Variants in CHAT observed in about 807,000 individuals in gnomAD.
The protein encoded by CHAT is choline O-acetyltransferase, also known as acetyl CoA:choline O-acetyltransferase.
In CHAT, 61 loss-of-function variants were observed where a neutral mutation model predicts 76.9. The ratio of observed to expected loss-of-function variants is 0.79; its 90% confidence interval spans 0.65 to 0.98. The LOEUF is 0.98. Ranked by LOEUF, CHAT falls within the 50% of genes least tolerant of loss-of-function variation. The probability of loss-of-function intolerance (pLI) is 0.00; values close to 1 mark genes in which losing one functional copy is unlikely to be tolerated. For missense variants in CHAT, 946 were observed against 986.9 expected (o/e 0.96, Z 0.56); for synonymous variants, 407 against 397.4 (o/e 1.02, Z -0.29).
upstream of CHAT, among the ~76,000 whole-genome samples, chr10:49,613,768 A>T (rs972258103): frequency 1.3e-4 from 20 of 152,158 alleles, no homozygotes; most frequent in Admixed American, 2.6e-4. Context: ...GATTGTCCCA[A>T]GTCTGTAGCA....
In CHAT at chr10:49,646,578, C is replaced by T. The variant is rs1475894058; in HGVS notation, c.1185C>T (p.Gly395=). Residue 395 remains glycine (G), a synonymous_variant, in exon 8 of 15, where the codon GGC becomes GGT. Transcript: ENST00000337653. ...TTGTATGCCTGGACGCGCCAGGAGG[C>T]GTGGAGCTCAGCGACACCCACAGGG... is the stretch of plus-strand genomic sequence containing the variant. ...ICLVCLDAPG[G]VELSDTHRAL... 5 of 1,614,200 alleles carry T rather than the reference C, an allele frequency of 3.1e-6. No individual in the cohort carries two copies. The South Asian group carries it at 3.3e-5, about 11-fold the overall frequency.
Position 49,616,509 on chromosome 10 carries a change from C to A in CHAT, c.294C>A (p.His98Gln). The A allele has an allele frequency of 6.2e-7, 1 of 1,611,752 alleles. No individual in the cohort carries two copies. The highest frequency in any genetic ancestry group is 1.1e-5 in the South Asian group (1 of 90,544). The change falls in exon 2 of 15, where the codon CAC becomes CAA. Residue 98 changes from histidine to glutamine, a missense_variant. Physicochemically the swap from His to Gln is conservative, Grantham distance 24. Coordinates refer to ENST00000337653, the MANE Select transcript of CHAT (RefSeq NM_020549.5). The stretch of plus-strand genomic sequence containing the variant: ...CCACTTCTTGGTCCCCAGGTCCACA[C>A]CTCTGCATCCCTGCACCAGGACTCA... Reference protein sequence around the residue: ...EAAEPRRAGPHLCIPAPGLTK... With the variant: ...EAAEPRRAGPQLCIPAPGLTK...
intron 14 of CHAT, 88 bp from the exon 15 acceptor site, chr10:49,664,689 C>T: frequency 5.9e-6 from 9 of 1,518,858 alleles, no homozygotes; most frequent in Non-Finnish European, 8.2e-6. Flanking sequence ...AGTCAAACCC[C>T]CAGGTGGAAA....
intron 7 of CHAT, among the ~76,000 whole-genome samples, chr10:49,640,234 T>G (rs1365507432): frequency 6.6e-6 from 1 of 152,166 alleles, no homozygotes; most frequent in East Asian, 1.9e-4. Context: ...TACAGTGGTG[T>G]GATGTCGGCT....
chr10:49,661,622 A>G (rs1262793464), intron 13 of CHAT, among the ~76,000 whole-genome samples: 1 of 152,204 alleles, frequency 6.6e-6, no homozygotes, highest in African/African-American at 2.4e-5. Context: ...GGGCTTTGAC[A>G]GCTAACTGGC....
chr10:49,633,489 G>C (rs1839193952), intron 7 of CHAT, among the ~76,000 whole-genome samples: 1 of 152,160 alleles, frequency 6.6e-6, no homozygotes. Context: ...CTGGAAGGGA[G>C]CATCTGCCTA....
Position 49,627,610 on chromosome 10 carries a change from CTT to C in CHAT, c.938_939del (p.Phe313CysfsTer7). 2 of 1,614,096 alleles carry C rather than the reference CTT, an allele frequency of 1.2e-6. No individual in the cohort carries two copies. The highest frequency in any genetic ancestry group is 1.7e-6 in the Non-Finnish European group (2 of 1,179,944). ...HVIVACCNQF[F>X]VLDVVINFRR... is the part of the protein sequence containing the mutation. ...TGTTTGACCTGTTTACCCCACAGTTCTTTGTCTTGGATGTTGTCATTAATTTC... is the reference window on the plus strand; with the variant it reads ...TGTTTGACCTGTTTACCCCACAGTTCTGTCTTGGATGTTGTCATTAATTTC... On this transcript the variant is annotated frameshift_variant, in exon 7 of 15. Coordinates refer to ENST00000337653, the MANE Select transcript of CHAT (RefSeq NM_020549.5). LOFTEE classifies it high-confidence loss of function.
upstream of CHAT, chr10:49,612,037 G>A: frequency 2.5e-6 from 4 of 1,613,746 alleles, no homozygotes; most frequent in Non-Finnish European, 3.4e-6. Flanking sequence ...GGTGGCCTAC[G>A]CGCTCGGGCC....
rs1444707075 is a variant in CHAT, at chr10:49,614,213, G to A, written c.24G>A (p.Lys8=). Residue 8 remains lysine (K), a synonymous_variant, in exon 1 of 15, where the codon AAG becomes AAA. Transcript: ENST00000337653. MGLRTAK[K]RGLGGGGKWK... ...GGATGGGGCTGAGGACAGCGAAGAA[G>A]AGGGGGCTTGGGGGAGGGGGGAAAT... 4 of 1,516,410 alleles carry A rather than the reference G, an allele frequency of 2.6e-6. No individual in the cohort carries two copies. The highest frequency in any genetic ancestry group is 3.6e-6 in the Non-Finnish European group (4 of 1,120,514). 93.9% of individuals were successfully genotyped at this position (1,516,410 alleles called of 1,614,324 possible).
At position 49,666,803 on chromosome 10, in the gene CHAT, C is replaced by T. The variant is rs1840349296; in HGVS notation, c.*1757C>T. Among the ~76,000 whole-genome samples the T allele has an allele frequency of 6.6e-6, 1 of 152,182 alleles. No homozygotes were observed. The highest frequency in any genetic ancestry group is 2.1e-4 in the South Asian group (1 of 4,828). On this transcript the variant is annotated 3_prime_UTR_variant, in exon 15 of 15. Coordinates refer to ENST00000337653, the MANE Select transcript of CHAT (RefSeq NM_020549.5). ...CTCCTTCCCTCCCACGGCCACCTTCCTACTCTGCTTAGGAAGTTGCAGCAC... is the reference window on the plus strand; with the variant it reads ...CTCCTTCCCTCCCACGGCCACCTTCTTACTCTGCTTAGGAAGTTGCAGCAC...
intron 14 of CHAT, among the ~76,000 whole-genome samples, 164 bp from the exon 15 acceptor site, chr10:49,664,613 G>A (rs960689037): frequency 4.6e-5 from 7 of 152,168 alleles, no homozygotes; most frequent in Non-Finnish European, 1.0e-4. Context: ...GCAGTTAGAT[G>A]GGTCTGTTTT....
chr10:49,617,718 C>A (rs1371803774), intron 2 of CHAT, among the ~76,000 whole-genome samples: 1 of 152,068 alleles, frequency 6.6e-6, no homozygotes, highest in Non-Finnish European at 1.5e-5. Context: ...TAGGTGCTCA[C>A]CCACCCATCA....
At chr10:49,615,032 T>C (rs1031911637) in intron 1 of CHAT, among the ~76,000 whole-genome samples, 1 of 151,958 alleles carries the variant, frequency 6.6e-6, no homozygotes, top group Non-Finnish European at 1.5e-5. Context: ...ATACATCCTC[T>C]AGGCATCTGC....
rs141794970 is a variant in CHAT at position 49,646,516 on chromosome 10, C to A, written c.1123C>A (p.Arg375=). The change falls in exon 8 of 15, where the codon CGG becomes AGG. Residue 375 remains arginine, a synonymous_variant. Coordinates refer to ENST00000337653, the MANE Select transcript of CHAT (RefSeq NM_020549.5). ...RTVLVKDSTN[R]DSLDMIERCI... is the part of the protein sequence containing the mutation. ...TGCCTCCCCTGCAGACTCCACCAAC[C>A]GGGACTCGCTGGACATGATTGAGCG... The A allele has an allele frequency of 4.2e-5, 67 of 1,614,180 alleles. No homozygotes were observed. The South Asian group carries it at 6.9e-4, about 17-fold the overall frequency.
At chr10:49,613,339 G>C (rs542737231), upstream of CHAT, 2 of 152,474 alleles carry the variant, frequency 1.3e-5, no homozygotes, top group South Asian at 4.1e-4. Context: ...TGTGGGATCT[G>C]GTGCCAACCC....
Position 49,614,146 on chromosome 10 carries a change from G to C in CHAT, c.-44G>C, listed in dbSNP as rs7903315. 0.72 allele frequency: 1,106,237 copies of C among 1,545,460 alleles called. 414,811 individuals carry two copies. Among genetic ancestry groups the C allele is most frequent in the South Asian group, 0.79 (65,960 of 83,838 alleles). ...CCGGGAAGCGCTCCGGGTAGATTCT[G>C]GGGGCCGGGAGCTGAGATCCCTGGG... On this transcript the variant is annotated 5_prime_UTR_variant, in exon 1 of 15. Transcript: ENST00000337653.
chr10:49,622,202 A>C (rs769333829), intron 5 of CHAT, 52 bp downstream of exon 5: 1 of 1,574,802 alleles, frequency 6.3e-7, no homozygotes, highest in Middle Eastern at 1.7e-4. Flanking sequence ...CTATGCGTCT[A>C]TCTCCCTTGC....
intron 9 of CHAT, among the ~76,000 whole-genome samples, 179 bp downstream of exon 9, chr10:49,648,786 C>T (rs750937008): frequency 1.3e-5 from 2 of 151,260 alleles, no homozygotes; most frequent in Admixed American, 1.3e-4. Context: ...GCTTTGTATG[C>T]GACATCATGT....
rs1452547776 is a variant in CHAT at position 49,625,736 on chromosome 10, G to C, written c.933+83G>C. Reference sequence around the variant, plus strand: ...CACGTCCATTACCTTCTCCGAGGGGGCTCAGCCTCCTTCCCTGAGTCACAC... The same window carrying C: ...CACGTCCATTACCTTCTCCGAGGGGCCTCAGCCTCCTTCCCTGAGTCACAC... On this transcript the variant is annotated intron_variant, in intron 6 of 14. Coordinates refer to ENST00000337653, the MANE Select transcript of CHAT (RefSeq NM_020549.5). The C allele has an allele frequency of 2.8e-6, 4 of 1,413,300 alleles. No individual in the cohort carries two copies. In the South Asian group the frequency reaches 3.7e-5, roughly 13 times the overall value. The allele number at this position is 1,413,300 out of a possible 1,614,324, so 87.5% of individuals were successfully genotyped here. A position where few individuals can be genotyped will look rare whatever the true frequency, so the allele number is the denominator to read the frequency against.
Sources: allele counts gnomAD v4.1 joint callset (sites outside exome capture counted in the v4.1 genomes callset), GRCh38; gene constraint gnomAD v4.1.1; transcripts MANE v1.5; gene names NCBI Gene and HGNC (gene_info 2026-07-23, HGNC 2026-07-21).